The following RNASEH2B variants were observed in gnomAD, a reference collection of about 807,000 sequenced individuals.
RNASEH2B encodes Aicardi-Goutieres syndrome 2 protein.
In RNASEH2B, 36 loss-of-function variants were observed where a neutral mutation model predicts 45.0. That is an observed-to-expected ratio of 0.80 (90% CI 0.61 to 1.06). The LOEUF is 1.06. Ranked by LOEUF, RNASEH2B falls within the 50% of genes least tolerant of loss-of-function variation. RNASEH2B has a pLI of 0.00. For missense variants in RNASEH2B, 361 were observed against 360.3 expected (o/e 1.00, Z -0.02); for synonymous variants, 119 against 125.7 (o/e 0.95, Z 0.35).
At chr13:50,941,516 G>A (rs1951832979) in intron 5 of RNASEH2B, 1 of 152,248 alleles carries the variant, frequency 6.6e-6, no homozygotes, top group South Asian at 2.1e-4. Context: ...CAAGAAAGAA[G>A]TGAGATGCCA....
rs115493259 is a variant in RNASEH2B, at chr13:50,927,904, C to G, written c.136+426C>G. Among the ~76,000 whole-genome samples, 910 of 151,328 alleles carry G rather than the reference C, an allele frequency of 6.0e-3. 13 individuals carry two copies. The highest frequency in any genetic ancestry group is 0.021 in the African/African-American group (874 of 41,340). On this transcript the variant is annotated intron_variant, in intron 2 of 10. Coordinates refer to ENST00000336617, the MANE Select transcript of RNASEH2B (RefSeq NM_024570.4). ...AAACAGAAGGCTTTTACTTGACATG[C>G]CAAGATTTTGATTAGGTTCAGTTTT...
chr13:50,915,244 A>G (rs886886997), intron 1 of RNASEH2B: 6 of 395,300 alleles, frequency 1.5e-5, no homozygotes, highest in South Asian at 1.4e-4. Context: ...CTCCCCTTCT[A>G]CTTCTATCCA....
chr13:50,969,834 C>T, intron 9 of RNASEH2B: 1 of 1,214,452 alleles, frequency 8.2e-7, no homozygotes, highest in Admixed American at 2.1e-5. Context: ...AACCCGCCAG[C>T]CCTGCGTTCT....
At chr13:50,934,610 G>C in intron 4 of RNASEH2B, 1 of 451,770 alleles carries the variant, frequency 2.2e-6, no homozygotes, top group East Asian at 4.4e-5. Context: ...GGCTTCCAGT[G>C]CTTTTGTAGA....
At chr13:50,939,301 G>C (rs1201325320) in intron 5 of RNASEH2B, 2 of 151,882 alleles carry the variant, frequency 1.3e-5, no homozygotes, top group South Asian at 2.1e-4. Context: ...AGCTTGCAGT[G>C]AGCCAAGATC....
At chr13:50,942,479 G>C (rs963485256) in intron 5 of RNASEH2B, 1 of 151,976 alleles carries the variant, frequency 6.6e-6, no homozygotes, top group Non-Finnish European at 1.5e-5. Context: ...TTTTTTTCCT[G>C]AATGTATGTA....
At chr13:50,912,036 TCA>T (rs1269267977) in intron 1 of RNASEH2B, 5 of 152,204 alleles carry the variant, frequency 3.3e-5, no homozygotes, top group African/African-American at 1.2e-4. Flanking sequence ...GGGAAGAGTT[TCA>T]GTTGAGTTTC....
At chr13:50,949,434 A>T (rs770193650) in intron 8 of RNASEH2B, 29 bp from the exon 9 acceptor site, 1 of 1,609,408 alleles carries the variant, frequency 6.2e-7, no homozygotes. Flanking sequence ...AAAAACGATG[A>T]CTTTGATTGT....
At chr13:50,933,854 T>C (rs1951712667) in intron 4 of RNASEH2B, 2 of 152,228 alleles carry the variant, frequency 1.3e-5, no homozygotes, top group South Asian at 4.1e-4. Flanking sequence ...GAAAAATCTG[T>C]GCATTATTCT....
downstream of RNASEH2B, among the ~76,000 whole-genome samples, chr13:50,956,986 T>G (rs1272416182): frequency 6.7e-6 from 1 of 148,976 alleles, no homozygotes; most frequent in Admixed American, 6.9e-5. Flanking sequence ...TTTTAGAAAA[T>G]AGAGAAAATA....
At position 50,970,428 on chromosome 13, in the gene RNASEH2B, C is replaced by T. The variant is rs370687538; in HGVS notation, c.*464C>T. 23 of 237,132 alleles carry T rather than the reference C, an allele frequency of 9.7e-5. No individual in the cohort carries two copies. The East Asian group carries it at 2.2e-3, about 22-fold the overall frequency. The allele number at this position is 237,132 out of a possible 1,614,324, so 14.7% of individuals were successfully genotyped here. On this transcript the variant is annotated 3_prime_UTR_variant, in exon 10 of 10. Coordinates refer to the RNASEH2B transcript ENST00000422660. Reference sequence around the variant, plus strand: ...CCTAAACGTTGGCATTTTATCTCTCCAGGAGTTATTAAACATTTCTTCCTT... The same window carrying T: ...CCTAAACGTTGGCATTTTATCTCTCTAGGAGTTATTAAACATTTCTTCCTT...
At chr13:50,965,519 A>G (rs1465751038) in intron 9 of RNASEH2B, among the ~76,000 whole-genome samples, 1 of 152,144 alleles carries the variant, frequency 6.6e-6, no homozygotes, top group Non-Finnish European at 1.5e-5. Flanking sequence ...CAACCAACCA[A>G]TCCATCAATC....
At chr13:50,969,719 T>A (rs1952202472) in intron 9 of RNASEH2B, among the ~76,000 whole-genome samples, 1 of 152,144 alleles carries the variant, frequency 6.6e-6, no homozygotes, top group Non-Finnish European at 1.5e-5. Flanking sequence ...AGGAGCCTGC[T>A]ATGAACCCTA....
chr13:50,962,895 A>T (rs1347339045), intron 9 of RNASEH2B, among the ~76,000 whole-genome samples: 1 of 151,968 alleles, frequency 6.6e-6, no homozygotes, highest in East Asian at 1.9e-4. Context: ...ATTTCTGGCC[A>T]ATATTTCTTT....
At chr13:50,925,598 C>T (rs1406072931) in intron 1 of RNASEH2B, among the ~76,000 whole-genome samples, 1 of 152,170 alleles carries the variant, frequency 6.6e-6, no homozygotes, top group Non-Finnish European at 1.5e-5. Context: ...CTTTTGAGTA[C>T]TATGCCTAAA....
At position 50,953,919 on chromosome 13, in the gene RNASEH2B, A is replaced by G. The variant is rs200721645; in HGVS notation, c.756A>G (p.Ser252=). 3.0e-4 allele frequency: 481 copies of G among 1,602,950 alleles called. No homozygotes were observed. The highest frequency in any genetic ancestry group is 3.1e-4 in the Non-Finnish European group (361 of 1,169,850). ...TAATGTTGCAGAAAATAAAGTTATCAGATGAGCCTGTAGAAGCAAAAGAAG... is the reference window on the plus strand; with the variant it reads ...TAATGTTGCAGAAAATAAAGTTATCGGATGAGCCTGTAGAAGCAAAAGAAG... ...PNPPSKKIKL[S]DEPVEAKEDY... is the part of the protein sequence containing the mutation. The change falls in exon 10 of 11, where the codon TCA becomes TCG. Residue 252 remains serine (S), a synonymous_variant. Coordinates refer to ENST00000336617, the MANE Select transcript of RNASEH2B (RefSeq NM_024570.4).
intron 10 of RNASEH2B, 38 bp from the exon 11 acceptor site, chr13:50,956,320 C>T (rs957421838): frequency 1.4e-6 from 2 of 1,461,570 alleles, no homozygotes; most frequent in Non-Finnish European, 1.9e-6. Flanking sequence ...ATAAATGTTA[C>T]ATTCATAACA....
intron 9 of RNASEH2B, chr13:50,952,968 C>T (rs998420455): frequency 1.3e-5 from 2 of 152,080 alleles, no homozygotes; most frequent in Non-Finnish European, 2.9e-5. Context: ...CAACTCTACC[C>T]GTTCTTTGTT....
At chr13:50,947,635 ATTG>A (rs955258259) in intron 7 of RNASEH2B, among the ~76,000 whole-genome samples, 6 of 152,106 alleles carry the variant, frequency 3.9e-5, no homozygotes, top group Non-Finnish European at 7.4e-5. Context: ...ACTATTTCAT[ATTG>A]TTGTAGATGA....
Sources: gnomAD v4.1 joint callset for allele counts (sites outside exome capture counted in the v4.1 genomes callset) on GRCh38, gnomAD v4.1.1 for gene constraint, MANE v1.5 for transcripts, NCBI Gene and HGNC (gene_info 2026-07-23, HGNC 2026-07-21) for gene names.